Variants in KIT observed in about 807,000 individuals in gnomAD.
KIT encodes the protein KIT proto-oncogene, receptor tyrosine kinase.
In KIT, 16 loss-of-function variants were observed where a neutral mutation model predicts 105.7. That is an observed-to-expected ratio of 0.15 (90% CI 0.10 to 0.23). The LOEUF (loss-of-function observed/expected upper bound fraction) is 0.23. Ranked by LOEUF, KIT falls within the 10% of genes least tolerant of loss-of-function variation. The pLI is 1.00. For missense variants in KIT, 858 were observed against 1,213.8 expected (o/e 0.71, Z 4.36); for synonymous variants, 438 against 441.1 (o/e 0.99, Z 0.09).
chr4:54,708,926 C>T lies in KIT; in HGVS notation c.1116-498C>T, dbSNP rs115633845. 6.3e-3 allele frequency among the ~76,000 whole-genome samples: 964 copies of T among 152,148 alleles called. 12 individuals are homozygous for T. Among genetic ancestry groups the T allele is most frequent in the African/African-American group, 0.022 (915 of 41,494 alleles). On this transcript the variant is annotated intron_variant, in intron 6 of 20. Transcript: ENST00000288135. Reference sequence around the variant, plus strand: ...ACTGCCAGGAGCACTGAGAAGTCTCCGGGGTGGAGGAAAACCAGGAGATGG... The same window carrying T: ...ACTGCCAGGAGCACTGAGAAGTCTCTGGGGTGGAGGAAAACCAGGAGATGG...
intron 1 of KIT, among the ~76,000 whole-genome samples, chr4:54,679,186 T>A (rs925873731): frequency 2.0e-5 from 3 of 152,178 alleles, no homozygotes; most frequent in African/African-American, 7.2e-5. Context: ...AAATTGGCTC[T>A]CTCTAGCACT....
intron 4 of KIT, 24 bp downstream of exon 4, chr4:54,699,790 T>C: frequency 6.2e-7 from 1 of 1,613,096 alleles, no homozygotes; most frequent in Non-Finnish European, 8.5e-7. Flanking sequence ...TTCATTCTTC[T>C]CATGTTCTGT....
In KIT at chr4:54,728,519, T is replaced by C. The variant is rs1230190081; in HGVS notation, c.1990+398T>C. 6.2e-4 allele frequency among the ~76,000 whole-genome samples: 94 copies of C among 152,176 alleles called. 1 individual carries two copies. Among genetic ancestry groups the C allele is most frequent in the Admixed American group, 6.2e-3 (94 of 15,270 alleles). ...GCCTAAGCCTACTGGTTCTCAAATA[T>C]ACACCAAATGAGGCAAACATTTCAC... On this transcript the variant is annotated intron_variant, in intron 13 of 20. Coordinates refer to ENST00000288135, the MANE Select transcript of KIT (RefSeq NM_000222.3).
chr4:54,738,759 A>G lies in KIT; in HGVS notation c.*202A>G. ...TATTGCAAAGGTTCCAACTGTATAT[A>G]TTCCCAATAGCAACGTAGCTTCTAC... On this transcript the variant is annotated 3_prime_UTR_variant, in exon 21 of 21. Coordinates refer to ENST00000288135, the MANE Select transcript of KIT (RefSeq NM_000222.3). 1 of 660,612 alleles carries G rather than the reference A, an allele frequency of 1.5e-6. No individual in the cohort carries two copies. The highest frequency in any genetic ancestry group is 2.7e-6 in the Non-Finnish European group (1 of 371,992). 40.9% of individuals were successfully genotyped at this position (660,612 alleles called of 1,614,324 possible). A position where few individuals can be genotyped will look rare whatever the true frequency, so the allele number is the denominator to read the frequency against.
chr4:54,719,300 G>C (rs1207069582), intron 7 of KIT, among the ~76,000 whole-genome samples: 1 of 152,156 alleles, frequency 6.6e-6, no homozygotes, highest in African/African-American at 2.4e-5. Context: ...TTGCCTTTCA[G>C]CCACCAGCCC....
chr4:54,725,154 G>C (rs1297972832), intron 8 of KIT, among the ~76,000 whole-genome samples: 1 of 152,106 alleles, frequency 6.6e-6, no homozygotes, highest in Non-Finnish European at 1.5e-5. Flanking sequence ...GCCCAGGCTG[G>C]AGTGCAATGG....
chr4:54,693,720 A>G (rs1158366395), intron 1 of KIT, among the ~76,000 whole-genome samples: 1 of 152,160 alleles, frequency 6.6e-6, no homozygotes, highest in Non-Finnish European at 1.5e-5. Flanking sequence ...TCTGATGTGC[A>G]TGAACCATTC....
At chr4:54,682,829 G>T (rs984460095) in intron 1 of KIT, among the ~76,000 whole-genome samples, 6 of 150,174 alleles carry the variant, frequency 4.0e-5, no homozygotes, top group Admixed American at 2.0e-4. Flanking sequence ...TCGGCTCACT[G>T]CAACCTCTGC....
intron 1 of KIT, among the ~76,000 whole-genome samples, chr4:54,688,993 T>G (rs933460882): frequency 3.3e-5 from 5 of 152,202 alleles, no homozygotes; most frequent in South Asian, 2.1e-4. Context: ...TGCCATTCTT[T>G]CCATACACCA....
At chr4:54,712,886 GT>G (rs1721247817) in intron 7 of KIT, among the ~76,000 whole-genome samples, 1 of 152,096 alleles carries the variant, frequency 6.6e-6, no homozygotes, top group Non-Finnish European at 1.5e-5. Context: ...TTTCCTTGAA[GT>G]TAGTTTGTTA....
intron 4 of KIT, among the ~76,000 whole-genome samples, chr4:54,700,467 C>A (rs1720386731): frequency 1.3e-5 from 2 of 152,170 alleles, no homozygotes; most frequent in Non-Finnish European, 2.9e-5. Context: ...TAGCTAGTTA[C>A]TGAAATTTTA....
At chr4:54,673,957 G>A (rs527593629) in intron 1 of KIT, among the ~76,000 whole-genome samples, 1 of 152,094 alleles carries the variant, frequency 6.6e-6, no homozygotes, top group South Asian at 2.1e-4. Context: ...TTTTAGTAGA[G>A]ACAGGGTTTC....
chr4:54,667,152 C>T (rs1481156599), intron 1 of KIT, among the ~76,000 whole-genome samples: 1 of 152,140 alleles, frequency 6.6e-6, no homozygotes, highest in Non-Finnish European at 1.5e-5. Flanking sequence ...CTCTTGATTA[C>T]TCAGGGGTGG....
intron 7 of KIT, among the ~76,000 whole-genome samples, chr4:54,717,259 G>GTT: frequency 6.6e-6 from 1 of 152,220 alleles, no homozygotes; most frequent in Non-Finnish European, 1.5e-5. Context: ...AAAAAATTTA[G>GTT]CAGATGTAGC....
At chr4:54,670,276 G>A (rs1036108169) in intron 1 of KIT, among the ~76,000 whole-genome samples, 2 of 152,144 alleles carry the variant, frequency 1.3e-5, no homozygotes, top group African/African-American at 4.8e-5. Flanking sequence ...TGGAGATTCT[G>A]CCCCTCTTTT....
chr4:54,658,036 T>A lies in KIT; in HGVS notation c.22T>A (p.Trp8Arg), dbSNP rs1577898533. 2 of 1,613,512 alleles carry A rather than the reference T, an allele frequency of 1.2e-6. No individual in the cohort carries two copies. Among genetic ancestry groups the A allele is most frequent in the Non-Finnish European group, 1.7e-6 (2 of 1,179,760 alleles). Residue 8 changes from tryptophan (W) to arginine (R), a missense_variant, in exon 1 of 21, where the codon TGG becomes AGG. By Grantham distance (101) the Trp-to-Arg change is moderately radical (BLOSUM62 -3). Around this residue, in one of 7 missense-constraint regions of KIT, gnomAD observed 46 missense variants for 38.8 expected, o/e 1.19. Transcript: ENST00000288135. The part of the protein sequence containing the change: MRGARGA[W>R]DFLCVLLLLL... ...CGCGATGAGAGGCGCTCGCGGCGCCTGGGATTTTCTCTGCGTTCTGCTCCT... is the reference window on the plus strand; with the variant it reads ...CGCGATGAGAGGCGCTCGCGGCGCCAGGGATTTTCTCTGCGTTCTGCTCCT...
intron 1 of KIT, among the ~76,000 whole-genome samples, chr4:54,669,245 A>G (rs1717930981): frequency 6.8e-6 from 1 of 147,970 alleles, no homozygotes; most frequent in South Asian, 2.4e-4. Context: ...ATAAACCAGC[A>G]TATGTAGAAG....
chr4:54,672,429 A>G (rs968914689), intron 1 of KIT, among the ~76,000 whole-genome samples: 7 of 151,786 alleles, frequency 4.6e-5, no homozygotes, highest in African/African-American at 9.7e-5. Context: ...TTTGGTTTTA[A>G]TGGTTGCCTT....
At chr4:54,722,845 ATATATATTTT>A (rs1161326396) in intron 7 of KIT, among the ~76,000 whole-genome samples, 21 of 111,616 alleles carry the variant, frequency 1.9e-4, no homozygotes, top group Admixed American at 1.6e-3. Flanking sequence ...ATATATATTT[ATATATATTTT>A]TATATATATG....
Sources: gnomAD v4.1 joint callset for allele counts (sites outside exome capture counted in the v4.1 genomes callset) on GRCh38, gnomAD v4.1.1 for gene constraint, gnomAD v4.1.1 regional missense constraint, MANE v1.5 for transcripts, NCBI Gene and HGNC (gene_info 2026-07-23, HGNC 2026-07-21) for gene names.